The following CDNF variants were observed in gnomAD, a reference collection of about 807,000 sequenced individuals.
The protein encoded by CDNF is cerebral dopamine neurotrophic factor, also known as ARMET-like protein 1.
In CDNF, 9 loss-of-function variants were observed where a neutral mutation model predicts 14.8. That is an observed-to-expected ratio of 0.61 (90% CI 0.37 to 1.06). CDNF has a LOEUF of 1.06. Among genes scored for constraint, CDNF ranks in the 50% least tolerant of loss-of-function variants. CDNF has a pLI of 0.01. For synonymous variants in CDNF, 86 were observed against 87.2 expected, an observed-to-expected ratio of 0.99 and a Z score of 0.07; for missense variants, 228 against 228.4, an observed-to-expected ratio of 1.00 and a Z score of 0.01.
chr10:14,831,582 A>ATATT (rs1554764505), intron 1 of CDNF, among the ~76,000 whole-genome samples: 1 of 149,838 alleles, frequency 6.7e-6, no homozygotes, highest in East Asian at 2.0e-4. Flanking sequence ...ATATATATAT[A>ATATT]TTTTTTTTCA....
chr10:14,826,743 C>A (rs963749703), intron 2 of CDNF, among the ~76,000 whole-genome samples: 4 of 152,152 alleles, frequency 2.6e-5, no homozygotes, highest in Non-Finnish European at 5.9e-5. Flanking sequence ...CACAACAATC[C>A]TGTGAAATAA....
chr10:14,837,829 C>G lies in CDNF; in HGVS notation c.115+3G>C. On this transcript the variant is annotated splice_donor_region_variant and intron_variant, in intron 1 of 3. Transcript: ENST00000465530. Reference sequence around the variant, plus strand: ...CCATGCAAGCAGTTGTCACACCGCTCACCTTCACAGTCGGCCCCTGGCCGC... The same window carrying G: ...CCATGCAAGCAGTTGTCACACCGCTGACCTTCACAGTCGGCCCCTGGCCGC... 1.9e-6 allele frequency: 3 copies of G among 1,566,468 alleles called. No individual in the cohort carries two copies. Among genetic ancestry groups the G allele is most frequent in the Non-Finnish European group, 2.6e-6 (3 of 1,153,524 alleles).
intron 2 of CDNF, among the ~76,000 whole-genome samples, chr10:14,826,167 C>A (rs1277162105): frequency 1.3e-4 from 17 of 133,070 alleles, no homozygotes; most frequent in South Asian, 4.7e-4. Context: ...GAAGAAGAAG[C>A]AGAAGCAGCA....
intron 1 of CDNF, among the ~76,000 whole-genome samples, chr10:14,831,424 A>G (rs1278072076): frequency 1.3e-5 from 2 of 151,410 alleles, no homozygotes; most frequent in Non-Finnish European, 2.9e-5. Context: ...TTGCTTTTAG[A>G]TGACTGGCCA....
At chr10:14,828,950 G>A (rs1017908634) in intron 1 of CDNF, among the ~76,000 whole-genome samples, 6 of 151,980 alleles carry the variant, frequency 3.9e-5, no homozygotes, top group South Asian at 2.1e-4. Context: ...ACTTAAGCCC[G>A]GCAGATGGAG....
intron 1 of CDNF, among the ~76,000 whole-genome samples, chr10:14,834,792 G>A (rs1833873645): frequency 6.6e-6 from 1 of 152,146 alleles, no homozygotes; most frequent in African/African-American, 2.4e-5. Context: ...GGAAACTGCT[G>A]AAAGATACTA....
intron 2 of CDNF, among the ~76,000 whole-genome samples, chr10:14,827,363 A>G (rs1833808062): frequency 1.3e-5 from 2 of 152,222 alleles, no homozygotes; most frequent in Admixed American, 1.3e-4. Flanking sequence ...ATTGGCCCCA[A>G]ATTGTCTTAA....
At chr10:14,823,852 A>G (rs779268307) in intron 3 of CDNF, among the ~76,000 whole-genome samples, 6 of 152,176 alleles carry the variant, frequency 3.9e-5, no homozygotes, top group Non-Finnish European at 7.3e-5. Flanking sequence ...GTTTATATGG[A>G]CTCAGTGATT....
rs780392138 is a variant in CDNF, at chr10:14,825,475, A to G, written c.385+4T>C. The G allele has an allele frequency of 2.0e-5, 32 of 1,613,754 alleles. No individual in the cohort carries two copies. The highest frequency in any genetic ancestry group is 2.5e-5 in the Non-Finnish European group (29 of 1,179,934). On this transcript the variant is annotated splice_donor_region_variant and intron_variant, in intron 3 of 3. Transcript: ENST00000465530. ...ACTGGGAAAAACACGGGGCTGTGTT[A>G]TACCATATTTCAGCTCACAGATCTG...
At chr10:14,829,987 GTGCT>G (rs1226291846) in intron 1 of CDNF, among the ~76,000 whole-genome samples, 2 of 152,026 alleles carry the variant, frequency 1.3e-5, no homozygotes, top group East Asian at 1.9e-4. Flanking sequence ...GTTTCTTTGT[GTGCT>G]TGCTTATTTT....
chr10:14,826,089 A>AAGAAGC (rs1833783382), intron 2 of CDNF, among the ~76,000 whole-genome samples: 1 of 125,412 alleles, frequency 8.0e-6, no homozygotes, highest in Non-Finnish European at 1.7e-5. Context: ...GAAGAAGAAG[A>AAGAAGC]AGAAGAAGCA....
At position 14,837,960 on chromosome 10, in the gene CDNF, C is replaced by T. The variant is rs1316347064; in HGVS notation, c.-14G>A. The T allele has an allele frequency of 3.2e-6, 5 of 1,564,104 alleles. No individual in the cohort carries two copies. In the East Asian group the frequency reaches 1.2e-4, roughly 36 times the overall value. On this transcript the variant is annotated 5_prime_UTR_variant, in exon 1 of 4. Coordinates refer to ENST00000465530, the MANE Select transcript of CDNF (RefSeq NM_001029954.3). ...CGCGCACCACATGCTGGGCCAGCAG[C>T]TTCAATCGCCTCCGCCACCCGCGCC...
At chr10:14,826,468 CAGA>C (rs1186133324) in intron 2 of CDNF, among the ~76,000 whole-genome samples, 3 of 134,474 alleles carry the variant, frequency 2.2e-5, no homozygotes, top group Admixed American at 1.5e-4. Flanking sequence ...AAGAAAGAAG[CAGA>C]AGAAGAAGAA....
intron 1 of CDNF, among the ~76,000 whole-genome samples, chr10:14,832,479 G>A (rs1736866921): frequency 6.6e-6 from 1 of 152,196 alleles, no homozygotes; most frequent in Admixed American, 6.5e-5. Flanking sequence ...GTTATGGTCC[G>A]ACATGATTCA....
At chr10:14,830,732 G>A (rs552329044) in intron 1 of CDNF, among the ~76,000 whole-genome samples, 157 of 152,246 alleles carry the variant, frequency 1.0e-3, no homozygotes, top group Non-Finnish European at 1.9e-3. Context: ...TGTAATCCCA[G>A]CTACTTGGGA....
chr10:14,826,597 C>G (rs1215263960), intron 2 of CDNF, among the ~76,000 whole-genome samples: 4 of 152,354 alleles, frequency 2.6e-5, no homozygotes, highest in Admixed American at 1.3e-4. Flanking sequence ...TGACTCCATT[C>G]TCGTGATCAT....
chr10:14,824,663 G>A (rs1833764828), intron 3 of CDNF, among the ~76,000 whole-genome samples: 1 of 151,412 alleles, frequency 6.6e-6, no homozygotes, highest in African/African-American at 2.4e-5. Context: ...TTTGTTTTGG[G>A]CACCCTCTGA....
chr10:14,819,861 A>G lies in CDNF; in HGVS notation c.*119T>C. 2.0e-6 allele frequency: 2 copies of G among 1,008,356 alleles called. No homozygotes were observed. Among genetic ancestry groups the G allele is most frequent in the South Asian group, 3.4e-5 (2 of 59,396 alleles). 62.5% of individuals were successfully genotyped at this position (1,008,356 alleles called of 1,614,324 possible). A position where few individuals can be genotyped will look rare whatever the true frequency, so the allele number is the denominator to read the frequency against. On this transcript the variant is annotated 3_prime_UTR_variant, in exon 4 of 4. Transcript: ENST00000465530. Reference sequence around the variant, plus strand: ...AACAAAATTCTGAGGAATAATACCAACACAAAAAGCATGAGACCAAATATG... The same window carrying G: ...AACAAAATTCTGAGGAATAATACCAGCACAAAAAGCATGAGACCAAATATG...
intron 2 of CDNF, 21 bp downstream of exon 2, chr10:14,828,124 G>T: frequency 6.2e-7 from 1 of 1,611,792 alleles, no homozygotes; most frequent in Non-Finnish European, 8.5e-7. Flanking sequence ...TGGGGAAAAT[G>T]AAAGGTGAAA....
Sources: gnomAD v4.1 joint callset for allele counts (sites outside exome capture counted in the v4.1 genomes callset) on GRCh38, gnomAD v4.1.1 for gene constraint, MANE v1.5 for transcripts, NCBI Gene and HGNC (gene_info 2026-07-23, HGNC 2026-07-21) for gene names.